ITGA9: variants seen among roughly 807,000 people sequenced by gnomAD.
ITGA9 encodes integrin subunit alpha 9.
Under a neutral mutation model 127.8 loss-of-function variants are expected in ITGA9, and 56 were observed. The observed-to-expected ratio is 0.44, with a 90% CI of 0.35 to 0.55. ITGA9 has a LOEUF of 0.55. ITGA9 is among the 20% of genes least tolerant of loss of function. The pLI is 0.00. For synonymous variants in ITGA9, 508 were observed against 514.5 expected, an observed-to-expected ratio of 0.99 and a Z score of 0.17; for missense variants, 1,196 against 1,347.1, an observed-to-expected ratio of 0.89 and a Z score of 1.76.
rs374180541 is a variant in ITGA9, at chr3:37,569,721, G to A, written c.1689+27136G>A. The stretch of plus-strand genomic sequence containing the variant: ...GTGGAAATTCTACACCTTACCTCAT[G>A]TGATGAGTCACAGTTAAAACTTTTA... On this transcript the variant is annotated intron_variant, in intron 15 of 27. Transcript: ENST00000264741. 2.2e-4 allele frequency among the ~76,000 whole-genome samples: 34 copies of A among 152,316 alleles called. No individual in the cohort carries two copies. The East Asian group carries it at 6.4e-3, about 29-fold the overall frequency.
intron 18 of ITGA9, among the ~76,000 whole-genome samples, chr3:37,699,933 C>T (rs1347789173): frequency 6.6e-6 from 1 of 152,166 alleles, no homozygotes; most frequent in Non-Finnish European, 1.5e-5. Flanking sequence ...CCTATCTGTC[C>T]TCTTTATCTT....
intron 14 of ITGA9, among the ~76,000 whole-genome samples, chr3:37,539,794 C>T (rs1265011675): frequency 6.6e-6 from 1 of 152,134 alleles, no homozygotes; most frequent in East Asian, 1.9e-4. Flanking sequence ...TCTTATTGAG[C>T]AGGTTACCAC....
intron 27 of ITGA9, among the ~76,000 whole-genome samples, chr3:37,817,012 T>G (rs1171148220): frequency 6.6e-6 from 1 of 152,162 alleles, no homozygotes; most frequent in Admixed American, 6.5e-5. Flanking sequence ...TAAACCCCCT[T>G]TAGGGAAGTA....
chr3:37,699,166 C>T (rs982942961), intron 18 of ITGA9, among the ~76,000 whole-genome samples: 1 of 152,152 alleles, frequency 6.6e-6, no homozygotes, highest in Non-Finnish European at 1.5e-5. Context: ...TGTGTATACG[C>T]ATTCCCTGGA....
chr3:37,739,156 A>G (rs1696402259), intron 20 of ITGA9, among the ~76,000 whole-genome samples: 3 of 152,164 alleles, frequency 2.0e-5, no homozygotes, highest in Non-Finnish European at 4.4e-5. Context: ...TGCACCTTAT[A>G]TTTACCAGTT....
intron 15 of ITGA9, among the ~76,000 whole-genome samples, chr3:37,564,822 A>G (rs182081546): frequency 2.0e-4 from 31 of 152,336 alleles, no homozygotes; most frequent in Middle Eastern, 6.8e-3. Flanking sequence ...CTACAGCCAC[A>G]ACCATCCCTA....
chr3:37,542,451 G>A lies in ITGA9; in HGVS notation c.1555G>A (p.Val519Met), dbSNP rs143922681. 4.9e-5 allele frequency: 79 copies of A among 1,613,794 alleles called. No homozygotes were observed. Among genetic ancestry groups the A allele is most frequent in the African/African-American group, 9.3e-5 (7 of 75,016 alleles). Residue 519 changes from valine (V) to methionine (M), a missense_variant, in exon 15 of 28, where the codon GTG becomes ATG. Val to Met is a conservative substitution (Grantham distance 21). Transcript: ENST00000264741. Reference sequence around the variant, plus strand: ...CCTGAATTATGTTCTGATGGCTGACGTGGCCAAAAAGGAGAAGGGCCAGAT... The same window carrying A: ...CCTGAATTATGTTCTGATGGCTGACATGGCCAAAAAGGAGAAGGGCCAGAT... ...IGLNYVLMAD[V>M]AKKEKGQMPR...
At chr3:37,700,074 C>G (rs1046575139) in intron 18 of ITGA9, among the ~76,000 whole-genome samples, 21 of 152,152 alleles carry the variant, frequency 1.4e-4, no homozygotes, top group African/African-American at 5.1e-4. Flanking sequence ...ACCTCCGCCT[C>G]CCTGGTTCAA....
intron 19 of ITGA9, among the ~76,000 whole-genome samples, chr3:37,736,057 T>C (rs1233747137): frequency 1.3e-5 from 2 of 152,208 alleles, no homozygotes; most frequent in African/African-American, 4.8e-5. Flanking sequence ...CATCTGGCTT[T>C]CCCTTGGTGT....
At chr3:37,648,476 A>C (rs549430230) in intron 16 of ITGA9, among the ~76,000 whole-genome samples, 7 of 152,136 alleles carry the variant, frequency 4.6e-5, no homozygotes, top group African/African-American at 1.7e-4. Context: ...ATAAACAGAA[A>C]ATTATCCAGG....
chr3:37,682,492 C>T (rs1700743163), intron 17 of ITGA9, among the ~76,000 whole-genome samples: 2 of 152,210 alleles, frequency 1.3e-5, no homozygotes, highest in Admixed American at 6.5e-5. Flanking sequence ...TGTTGGCTGA[C>T]ACCTCCTCAT....
intron 18 of ITGA9, among the ~76,000 whole-genome samples, chr3:37,685,325 G>A (rs1441513778): frequency 6.6e-6 from 1 of 152,180 alleles, no homozygotes; most frequent in Non-Finnish European, 1.5e-5. Context: ...AGTCATCTCA[G>A]ATTCCCTGCT....
chr3:37,727,674 A>T (rs1294796125), intron 18 of ITGA9, among the ~76,000 whole-genome samples: 17 of 152,148 alleles, frequency 1.1e-4, no homozygotes, highest in Admixed American at 1.1e-3. Context: ...TTGAATGTGA[A>T]TTTTCCTACT....
intron 17 of ITGA9, among the ~76,000 whole-genome samples, chr3:37,675,015 A>G (rs1269951476): frequency 1.3e-5 from 2 of 152,238 alleles, no homozygotes; most frequent in East Asian, 3.8e-4. Context: ...TCACTGGACC[A>G]TTCTCCTATT....
chr3:37,528,178 T>A (rs1266001839), intron 13 of ITGA9, among the ~76,000 whole-genome samples: 1 of 152,246 alleles, frequency 6.6e-6, no homozygotes, highest in Non-Finnish European at 1.5e-5. Flanking sequence ...ATCTTCCTGC[T>A]GTGAGCTTAA....
At chr3:37,626,815 C>T (rs771880596) in intron 15 of ITGA9, among the ~76,000 whole-genome samples, 5 of 152,204 alleles carry the variant, frequency 3.3e-5, no homozygotes, top group Non-Finnish European at 1.5e-5. Context: ...CTTCTGTTTC[C>T]CTACCCCCAT....
chr3:37,543,829 G>A (rs560496856), intron 15 of ITGA9, among the ~76,000 whole-genome samples: 2 of 152,356 alleles, frequency 1.3e-5, no homozygotes, highest in African/African-American at 2.4e-5. Context: ...AGTGGGGCTG[G>A]GCTGTGTCTT....
At chr3:37,747,418 A>C (rs1418305164) in intron 22 of ITGA9, among the ~76,000 whole-genome samples, 2 of 152,344 alleles carry the variant, frequency 1.3e-5, no homozygotes, top group Admixed American at 1.3e-4. Context: ...TCTTTTAGTT[A>C]CTTTAAAATG....
chr3:37,608,101 C>T (rs1224002805), intron 15 of ITGA9, among the ~76,000 whole-genome samples: 2 of 152,294 alleles, frequency 1.3e-5, no homozygotes, highest in East Asian at 3.9e-4. Flanking sequence ...AGCTGATCTG[C>T]ACATAAACAG....
Sources: allele counts gnomAD v4.1 joint callset (sites outside exome capture counted in the v4.1 genomes callset), GRCh38; gene constraint gnomAD v4.1.1; transcripts MANE v1.5; gene names NCBI Gene and HGNC (gene_info 2026-07-23, HGNC 2026-07-21).